Variants in CSNK1A1 observed in about 807,000 individuals in gnomAD.
The protein encoded by CSNK1A1 is casein kinase I isoform alpha.
A neutral mutation model predicts 46.1 loss-of-function variants in CSNK1A1; 7 were observed. The ratio of observed to expected loss-of-function variants is 0.15; its 90% confidence interval spans 0.09 to 0.29. The LOEUF (loss-of-function observed/expected upper bound fraction) is 0.29, where lower values mean the gene tolerates loss of function less well. Among genes scored for constraint, CSNK1A1 ranks in the 10% least tolerant of loss-of-function variants. The probability of loss-of-function intolerance (pLI) is 1.00; values close to 1 mark genes in which losing one functional copy is unlikely to be tolerated. For missense variants in CSNK1A1, 96 were observed against 417.1 expected, an observed-to-expected ratio of 0.23 and a Z score of 6.71; for synonymous variants, 137 against 141.5, an observed-to-expected ratio of 0.97 and a Z score of 0.23.
rs1561772272 is a variant in CSNK1A1, at chr5:149,542,621, TA to T, written c.230+7453del. Among the ~76,000 whole-genome samples the T allele has an allele frequency of 1.3e-3, 17 of 13,116 alleles. 1 individual carries two copies. Among genetic ancestry groups the T allele is most frequent in the African/African-American group, 6.8e-3 (14 of 2,046 alleles). 8.6% of individuals were successfully genotyped at this position (13,116 alleles called of 152,430 possible). A position where few individuals can be genotyped will look rare whatever the true frequency, so the allele number is the denominator to read the frequency against. On this transcript the variant is annotated intron_variant, in intron 2 of 9. Transcript: ENST00000377843. ...ATATATATATATATATATATATATA[TA>T]TATATATATATATATATGTATATAT...
At position 149,534,448 on chromosome 5, in the gene CSNK1A1, C is replaced by T. The variant is rs148717357; in HGVS notation, c.231-9277G>A. 2.3e-3 allele frequency among the ~76,000 whole-genome samples: 302 copies of T among 131,526 alleles called. 7 individuals are homozygous for T. The East Asian group carries it at 0.062, about 27-fold the overall frequency. The allele number at this position is 131,526 out of a possible 152,430, so 86.3% of individuals were successfully genotyped here. A position where few individuals can be genotyped will look rare whatever the true frequency, so the allele number is the denominator to read the frequency against. ...GCAGTGAGCTGAGATGGCGCCATTG[C>T]ACTCCAGCCTGGCGACAGAGCGAGA... On this transcript the variant is annotated intron_variant, in intron 2 of 9. Coordinates refer to ENST00000377843, the MANE Select transcript of CSNK1A1 (RefSeq NM_001892.6).
intron 2 of CSNK1A1, among the ~76,000 whole-genome samples, chr5:149,542,656 A>ATGTGTG (rs1353712535): frequency 1.5e-4 from 1 of 6,512 alleles, no homozygotes; most frequent in African/African-American, 8.5e-4. Context: ...ATATATATAT[A>ATGTGTG]TATATATATA....
chr5:149,516,374 C>T (rs986755441), intron 4 of CSNK1A1, among the ~76,000 whole-genome samples: 1 of 151,534 alleles, frequency 6.6e-6, no homozygotes, highest in African/African-American at 2.4e-5. Context: ...AAACCAAAAA[C>T]CAAAAAAAGT....
In CSNK1A1 at chr5:149,525,086, T is replaced by C; in HGVS notation, c.316A>G (p.Arg106Gly). The change falls in exon 3 of 10, where the codon AGA (arginine) becomes GGA (glycine). Residue 106 changes from arginine (R) to glycine (G), a missense_variant. Physicochemically the swap from Arg to Gly is moderately radical, Grantham distance 125. Coordinates refer to ENST00000377843, the MANE Select transcript of CSNK1A1 (RefSeq NM_001892.6). The surrounding 1 kb of genome is among the most constrained non-coding windows in gnomAD (Gnocchi z 4.2). ...SLEDLFNFCS[R>G]RFTMKTVLML... ...AGTACAGTTTTCATTGTGAACCTTCTTGAACAGAAATTGAAGAGGTCTTCG... is the reference window on the plus strand; with the variant it reads ...AGTACAGTTTTCATTGTGAACCTTCCTGAACAGAAATTGAAGAGGTCTTCG... 1 of 1,613,452 alleles carries C rather than the reference T, an allele frequency of 6.2e-7. No individual in the cohort carries two copies. The highest frequency in any genetic ancestry group is 8.5e-7 in the Non-Finnish European group (1 of 1,179,680).
At chr5:149,512,373 A>G (rs1043106458) in intron 5 of CSNK1A1, among the ~76,000 whole-genome samples, 24 of 152,172 alleles carry the variant, frequency 1.6e-4, no homozygotes, top group African/African-American at 5.8e-4. Flanking sequence ...GTGACATTAC[A>G]GTTTAACCTA....
rs1761708067 is a variant in CSNK1A1 at position 149,525,698 on chromosome 5, C to T, written c.231-527G>A. ...AGATCACAGAAAATAACCCATATAA[C>T]ACAAGGTAATGACATTTATTTGCTT... On this transcript the variant is annotated intron_variant, in intron 2 of 9. Coordinates refer to ENST00000377843, the MANE Select transcript of CSNK1A1 (RefSeq NM_001892.6). The surrounding 1 kb of genome is among the most constrained non-coding windows in gnomAD (Gnocchi z 4.2). 6.6e-6 allele frequency among the ~76,000 whole-genome samples: 1 copy of T among 152,126 alleles called. No individual in the cohort carries two copies. The highest frequency in any genetic ancestry group is 2.4e-5 in the African/African-American group (1 of 41,430).
In CSNK1A1 at chr5:149,500,822, A is replaced by C. The variant is rs962145553; in HGVS notation, c.1007-3962T>G. Among the ~76,000 whole-genome samples the C allele has an allele frequency of 6.6e-5, 10 of 151,654 alleles. No individual in the cohort carries two copies. The South Asian group carries it at 1.5e-3, about 22-fold the overall frequency. The stretch of plus-strand genomic sequence containing the variant: ...GTTAAAGAATAATTAAAAAAAAAAA[A>C]CCTGTAATAACTCTTCCTTCCCTAT... On this transcript the variant is annotated intron_variant, in intron 9 of 9. Transcript: ENST00000377843.
chr5:149,512,258 T>C (rs1761248751), intron 5 of CSNK1A1, among the ~76,000 whole-genome samples: 1 of 152,048 alleles, frequency 6.6e-6, no homozygotes, highest in African/African-American at 2.4e-5. Flanking sequence ...ATTGAACATC[T>C]ATATGAATGT....
chr5:149,534,860 G>C (rs1401649141), intron 2 of CSNK1A1, among the ~76,000 whole-genome samples: 4 of 147,286 alleles, frequency 2.7e-5, no homozygotes, highest in African/African-American at 1.0e-4. Flanking sequence ...GGCTGTTGAG[G>C]CTAGCCACTG....
intron 2 of CSNK1A1, among the ~76,000 whole-genome samples, chr5:149,542,139 G>A (rs1292608034): frequency 3.3e-5 from 5 of 151,926 alleles, no homozygotes; most frequent in East Asian, 3.9e-4. Flanking sequence ...TCAGCCTCCT[G>A]TCAGATCAAC....
At chr5:149,544,758 T>TATATATATATACACACACAC (rs150989849) in intron 2 of CSNK1A1, among the ~76,000 whole-genome samples, 1 of 129,284 alleles carries the variant, frequency 7.7e-6, no homozygotes, top group African/African-American at 3.2e-5. Context: ...TATATATATA[T>TATATATATATACACACACAC]ATATATAGTT....
chr5:149,529,975 T>C (rs1307642463), intron 2 of CSNK1A1, among the ~76,000 whole-genome samples: 1 of 152,162 alleles, frequency 6.6e-6, no homozygotes, highest in African/African-American at 2.4e-5. Flanking sequence ...CATATAAAAA[T>C]ATTTAAGTAT....
At chr5:149,545,573 C>T (rs10065897) in intron 2 of CSNK1A1, 7 of 733,526 alleles carry the variant, frequency 9.5e-6, no homozygotes, top group Admixed American at 1.8e-5. Context: ...CAATCGAGTT[C>T]GCAGCTGACA....
At chr5:149,537,843 A>G (rs1035538512) in intron 2 of CSNK1A1, among the ~76,000 whole-genome samples, 3 of 150,436 alleles carry the variant, frequency 2.0e-5, no homozygotes, top group African/African-American at 7.4e-5. Context: ...GCTCATCTCA[A>G]TATGCTACCC....
chr5:149,497,818 G>C, intron 9 of CSNK1A1: 1 of 985,384 alleles, frequency 1.0e-6, no homozygotes, highest in Non-Finnish European at 1.2e-6. Flanking sequence ...ATCATAAACT[G>C]CTCCTTTTCT....
Position 149,517,150 on chromosome 5 carries a change from CTAATGG to C in CSNK1A1, c.456+3134_456+3139del, listed in dbSNP as rs1170799722. Among the ~76,000 whole-genome samples the C allele has an allele frequency of 2.0e-5, 3 of 152,118 alleles. No homozygotes were observed. The highest frequency in any genetic ancestry group is 7.2e-5 in the African/African-American group (3 of 41,418). Reference sequence around the variant, plus strand: ...AAATTTAATATATTTCAATGTATTACTAATGGTAATCTACCATATAACTTGATAAGT... The same window carrying C: ...AAATTTAATATATTTCAATGTATTACTAATCTACCATATAACTTGATAAGT... On this transcript the variant is annotated intron_variant, in intron 4 of 9. Coordinates refer to ENST00000377843, the MANE Select transcript of CSNK1A1 (RefSeq NM_001892.6). The surrounding 1 kb of genome is among the most constrained non-coding windows in gnomAD (Gnocchi z 4.4).
chr5:149,551,310 G>A lies in CSNK1A1; in HGVS notation c.-346C>T, dbSNP rs1174512840. On this transcript the variant is annotated 5_prime_UTR_variant, in exon 1 of 10. Transcript: ENST00000377843. ...GGGCGGCGATACCGCTGCCACCACT[G>A]CCGCCGGCTCCGGCCCAGAGGGACC... The A allele has an allele frequency of 8.0e-6, 2 of 248,536 alleles. No homozygotes were observed. The highest frequency in any genetic ancestry group is 1.6e-5 in the Non-Finnish European group (2 of 124,980). 15.4% of individuals were successfully genotyped at this position (248,536 alleles called of 1,614,324 possible).
At chr5:149,506,474 C>T (rs1395100350) in intron 8 of CSNK1A1, among the ~76,000 whole-genome samples, 2 of 151,856 alleles carry the variant, frequency 1.3e-5, no homozygotes, top group African/African-American at 2.4e-5. Context: ...TGACCTCAAG[C>T]GATCTGCCCG....
Position 149,506,918 on chromosome 5 carries a change from T to C in CSNK1A1, c.857+109A>G, listed in dbSNP as rs367802378. ...ATCAGTTTCTGAAACCTTTTATTCA[T>C]GTTAGCTAGATCTGCTTTACTTTAG... On this transcript the variant is annotated intron_variant, in intron 8 of 9. Transcript: ENST00000377843. 53 of 800,580 alleles carry C rather than the reference T, an allele frequency of 6.6e-5. No homozygotes were observed. In the African/African-American group the frequency reaches 6.8e-4, roughly 10 times the overall value. The allele number at this position is 800,580 out of a possible 1,614,324, so 49.6% of individuals were successfully genotyped here.
Sources: gnomAD v4.1 joint callset for allele counts (sites outside exome capture counted in the v4.1 genomes callset) on GRCh38, gnomAD v4.1.1 for gene constraint, Gnocchi (gnomAD v3.1) non-coding constraint, MANE v1.5 for transcripts, NCBI Gene and HGNC (gene_info 2026-07-23, HGNC 2026-07-21) for gene names.